Variants in PNPLA7 observed in about 807,000 individuals in gnomAD.
PNPLA7 encodes the protein patatin-like phospholipase domain-containing protein 7.
PNPLA7 carries 153 observed loss-of-function variants against 161.7 expected under a neutral mutation model. That is an observed-to-expected ratio of 0.95 (90% CI 0.83 to 1.08). The LOEUF is 1.08. PNPLA7 is among the 50% of genes least tolerant of loss of function. The pLI, the probability that PNPLA7 is intolerant of heterozygous loss-of-function variation, is 0.00. For missense variants in PNPLA7, 1,739 were observed against 1,856.6 expected (o/e 0.94, Z 1.16); for synonymous variants, 809 against 782.1 (o/e 1.03, Z -0.57).
chr9:137,506,143 G>A (rs1306478817), intron 12 of PNPLA7, 60 bp from the exon 13 acceptor site: 18 of 1,437,176 alleles, frequency 1.3e-5, no homozygotes, highest in Non-Finnish European at 1.6e-5. Context: ...AAACGTCCGC[G>A]GTGTGGGCTG....
chr9:137,540,121 G>A lies in PNPLA7; in HGVS notation c.747+521C>T, dbSNP rs578024227. 6.6e-6 allele frequency among the ~76,000 whole-genome samples: 1 copy of A among 152,244 alleles called. No individual in the cohort carries two copies. The highest frequency in any genetic ancestry group is 2.4e-5 in the African/African-American group (1 of 41,550). On this transcript the variant is annotated intron_variant, in intron 8 of 34. Transcript: ENST00000406427. The surrounding 1 kb of genome is among the most constrained non-coding windows in gnomAD (Gnocchi z 5.1). The stretch of plus-strand genomic sequence containing the variant: ...TCAAAATTACAAGTCTGCATCCCTG[G>A]GACCCTGCAAGTCCACCCTAGGATT...
chr9:137,547,756 G>T lies in PNPLA7; in HGVS notation c.31-97C>A. ...AGGAGAGCTGGGAGTTAGGGGAGAAGTCAGCAGCCCTGGAGACTTCTGGGA... is the reference window on the plus strand; with the variant it reads ...AGGAGAGCTGGGAGTTAGGGGAGAATTCAGCAGCCCTGGAGACTTCTGGGA... On this transcript the variant is annotated intron_variant, in intron 1 of 34. Coordinates refer to ENST00000406427, the MANE Select transcript of PNPLA7 (RefSeq NM_001098537.3). This position sits in a 1 kb window ranked among gnomAD's most constrained non-coding sequence, Gnocchi z 4.6. 1 of 1,173,564 alleles carries T rather than the reference G, an allele frequency of 8.5e-7. No individual in the cohort carries two copies. Among genetic ancestry groups the T allele is most frequent in the Non-Finnish European group, 1.3e-6 (1 of 784,044 alleles). 72.7% of individuals were successfully genotyped at this position (1,173,564 alleles called of 1,614,324 possible).
At chr9:137,535,244 C>T (rs1379514941) in intron 8 of PNPLA7, among the ~76,000 whole-genome samples, 6 of 152,168 alleles carry the variant, frequency 3.9e-5, no homozygotes, top group Non-Finnish European at 7.3e-5. Context: ...CTGGTTTGCA[C>T]ACTTGTGTTC....
At position 137,505,632 on chromosome 9, in the gene PNPLA7, G is replaced by A. The variant is rs1833874150; in HGVS notation, c.1455C>T (p.Leu485=). Residue 485 remains leucine, a synonymous_variant, in exon 14 of 35, where the codon CTC becomes CTT. Coordinates refer to ENST00000406427, the MANE Select transcript of PNPLA7 (RefSeq NM_001098537.3). Reference sequence around the variant, plus strand: ...CACTCACTTCCAGCTTCATCAGGGTGAGCAGGTCCTTCTTGGCAGCTCTGA... The same window carrying A: ...CACTCACTTCCAGCTTCATCAGGGTAAGCAGGTCCTTCTTGGCAGCTCTGA... ...AIFRAAKKDL[L]TLMKLEDSSL... is the part of the protein sequence containing the mutation. 2 of 1,614,066 alleles carry A rather than the reference G, an allele frequency of 1.2e-6. No homozygotes were observed. Among genetic ancestry groups the A allele is most frequent in the African/African-American group, 1.3e-5 (1 of 75,064 alleles).
At chr9:137,501,353 T>G (rs933743793) in intron 15 of PNPLA7, among the ~76,000 whole-genome samples, 1 of 152,232 alleles carries the variant, frequency 6.6e-6, no homozygotes, top group African/African-American at 2.4e-5. Flanking sequence ...CCAAGGCCAC[T>G]TCCACTGATC....
At position 137,506,078 on chromosome 9, in the gene PNPLA7, G is replaced by C. The variant is rs754084989; in HGVS notation, c.1231C>G (p.Pro411Ala). Residue 411 changes from proline to alanine, a missense_variant, in exon 13 of 35, where the codon CCA becomes GCA. By Grantham distance (27) the Pro-to-Ala change is conservative. Transcript: ENST00000406427. ...DPDPSAPQGG[P>A]GSATSDLGMA... ...CCCAGATCAGAAGTGGCACTGCCTGGGCCCCCTACACACAGAGGGGACACT... is the reference window on the plus strand; with the variant it reads ...CCCAGATCAGAAGTGGCACTGCCTGCGCCCCCTACACACAGAGGGGACACT... 1.7e-5 allele frequency: 28 copies of C among 1,611,588 alleles called. No individual in the cohort carries two copies. The Admixed American group carries it at 3.2e-4, about 18-fold the overall frequency.
At chr9:137,463,371 A>G (rs113758323) in intron 29 of PNPLA7, 44 bp downstream of exon 29, 7 of 1,528,528 alleles carry the variant, frequency 4.6e-6, no homozygotes, top group African/African-American at 1.4e-5. Context: ...GGCGTGACCC[A>G]GGAGCCTGTG....
In PNPLA7 at chr9:137,546,919, A is replaced by C. The variant is rs1184196041; in HGVS notation, c.194-10T>G. The C allele has an allele frequency of 6.2e-7, 1 of 1,613,030 alleles. No individual in the cohort carries two copies. Among genetic ancestry groups the C allele is most frequent in the East Asian group, 2.2e-5 (1 of 44,884 alleles). ...GTGGGCTGTGCTTGTCCTGCAGGGG[A>C]GTAAAGGGATGGCCTGAGGTAGAGC... On this transcript the variant is annotated splice_polypyrimidine_tract_variant and intron_variant, in intron 3 of 34. Transcript: ENST00000406427.
At chr9:137,506,255 A>G (rs1049367778) in intron 12 of PNPLA7, among the ~76,000 whole-genome samples, 172 bp from the exon 13 acceptor site, 13 of 152,172 alleles carry the variant, frequency 8.5e-5, no homozygotes, top group African/African-American at 2.4e-4. Context: ...ATCTGCCTCA[A>G]TGGCTCTGTG....
At position 137,497,301 on chromosome 9, in the gene PNPLA7, GT is replaced by G; in HGVS notation, c.1898del (p.Asp633AlafsTer17). On this transcript the variant is annotated frameshift_variant, in exon 18 of 35. Coordinates refer to ENST00000406427, the MANE Select transcript of PNPLA7 (RefSeq NM_001098537.3). LOFTEE classifies it high-confidence loss of function. ...GCATGATGTACGTGCAGTCGGACTT[GT>G]CCCCCTGCCTGCGGAAGACACAGAG... ...EAGRAIYRQG[D>X]KSDCTYIMLS... The G allele has an allele frequency of 6.4e-7, 1 of 1,569,926 alleles. No individual in the cohort carries two copies. Among genetic ancestry groups the G allele is most frequent in the Non-Finnish European group, 8.6e-7 (1 of 1,158,500 alleles).
At chr9:137,471,592 C>T (rs1242813135) in intron 25 of PNPLA7, among the ~76,000 whole-genome samples, 2 of 126,758 alleles carry the variant, frequency 1.6e-5, no homozygotes, top group African/African-American at 3.3e-5. Context: ...AGCAAGACTC[C>T]GTCTCAAAAA....
rs1237308684 is a variant in PNPLA7 at position 137,461,569 on chromosome 9, G to A, written c.3808C>T (p.Arg1270Cys). The A allele has an allele frequency of 2.5e-6, 4 of 1,612,686 alleles. No homozygotes were observed. The South Asian group carries it at 3.3e-5, about 13-fold the overall frequency. Residue 1270 changes from arginine to cysteine, a missense_variant, in exon 33 of 35, where the codon CGC (arginine) becomes TGC (cysteine). Physicochemically the swap from Arg to Cys is radical, Grantham distance 180 (BLOSUM62 -3). Transcript: ENST00000406427. Reference protein sequence around the residue: ...SFTDLAEIVSRIEPAKPAMVD... With the variant: ...SFTDLAEIVSCIEPAKPAMVD... Reference sequence around the variant, plus strand: ...ATGGCGGGCTTGGCGGGCTCAATGCGAGACACAATTTCGGCAAGGTCCGTG... The same window carrying A: ...ATGGCGGGCTTGGCGGGCTCAATGCAAGACACAATTTCGGCAAGGTCCGTG...
chr9:137,522,164 T>C (rs1313186462), intron 9 of PNPLA7, among the ~76,000 whole-genome samples: 1 of 152,210 alleles, frequency 6.6e-6, no homozygotes, highest in Non-Finnish European at 1.5e-5. Context: ...AAGCTCCGCC[T>C]CCCGGGTTCA....
Position 137,461,104 on chromosome 9 carries a change from A to T in PNPLA7, c.3842-367T>A, listed in dbSNP as rs965905603. 2.4e-4 allele frequency: 83 copies of T among 340,770 alleles called. 3 individuals are homozygous for T. In the Admixed American group the frequency reaches 3.1e-3, roughly 13 times the overall value. The allele number at this position is 340,770 out of a possible 1,614,324, so 21.1% of individuals were successfully genotyped here. On this transcript the variant is annotated intron_variant, in intron 33 of 34. Coordinates refer to ENST00000406427, the MANE Select transcript of PNPLA7 (RefSeq NM_001098537.3). ...GGCAGCCATGAAGACGTCTCCCAGG[A>T]GAATGTCCAGTTCTGCTGTGAGGAG...
intron 18 of PNPLA7, among the ~76,000 whole-genome samples, chr9:137,496,116 T>C (rs1833042543): frequency 6.6e-6 from 1 of 151,036 alleles, no homozygotes; most frequent in Non-Finnish European, 1.5e-5. Flanking sequence ...GTTTTTTTTT[T>C]TCAGACGGAG....
rs757619563 is a variant in PNPLA7 at position 137,480,296 on chromosome 9, C to G, written c.2580+16G>C. On this transcript the variant is annotated intron_variant, in intron 23 of 34. Coordinates refer to ENST00000406427, the MANE Select transcript of PNPLA7 (RefSeq NM_001098537.3). Reference sequence around the variant, plus strand: ...AGAGGGCTCTCCCCAGCTCCACCGGCCCTCCCCGTGCTCACCTCGCCCACT... The same window carrying G: ...AGAGGGCTCTCCCCAGCTCCACCGGGCCTCCCCGTGCTCACCTCGCCCACT... 1.9e-6 allele frequency: 3 copies of G among 1,608,760 alleles called. No individual in the cohort carries two copies. The highest frequency in any genetic ancestry group is 2.5e-6 in the Non-Finnish European group (3 of 1,178,884).
intron 27 of PNPLA7, 57 bp downstream of exon 27, chr9:137,464,283 G>A (rs1426939758): frequency 1.7e-5 from 27 of 1,604,938 alleles, no homozygotes; most frequent in Non-Finnish European, 2.3e-5. Context: ...AAGAGGTGGG[G>A]GGCCAGGAGG....
intron 31 of PNPLA7, 23 bp from the exon 32 acceptor site, chr9:137,462,064 G>A (rs1406091696): frequency 1.9e-6 from 3 of 1,550,834 alleles, no homozygotes; most frequent in Admixed American, 1.9e-5. Context: ...CCAGGGCCCC[G>A]TCAGGAGGTG....
intron 12 of PNPLA7, among the ~76,000 whole-genome samples, chr9:137,512,821 C>G (rs930559619): frequency 6.6e-6 from 1 of 151,576 alleles, no homozygotes; most frequent in African/African-American, 2.4e-5. Flanking sequence ...AAAAAAATGC[C>G]AAGTGCAGTG....
Sources: allele counts gnomAD v4.1 joint callset (sites outside exome capture counted in the v4.1 genomes callset), GRCh38; gene constraint gnomAD v4.1.1; non-coding constraint Gnocchi (gnomAD v3.1); transcripts MANE v1.5; gene names NCBI Gene and HGNC (gene_info 2026-07-23, HGNC 2026-07-21).